ARHGAP6: variants seen among roughly 807,000 people sequenced by gnomAD.
ARHGAP6 encodes rho GTPase-activating protein 6.
Under a neutral mutation model 55.7 loss-of-function variants are expected in ARHGAP6, and 16 were observed. The observed-to-expected ratio is 0.29, with a 90% CI of 0.19 to 0.44. ARHGAP6 has a LOEUF of 0.44. ARHGAP6 is among the 20% of genes least tolerant of loss of function. The pLI is 1.00. For missense variants in ARHGAP6, 698 were observed against 808.9 expected (o/e 0.86, Z 1.66); for synonymous variants, 382 against 360.9 (o/e 1.06, Z -0.66).
chrX:11,453,415 C>T (rs1262663025), intron 1 of ARHGAP6, among the ~76,000 whole-genome samples: 2 of 106,789 alleles, frequency 1.9e-5, no homozygotes, highest in Non-Finnish European at 3.8e-5. Flanking sequence ...CATGTACCTG[C>T]CCTGGCCTCC....
intron 1 of ARHGAP6, among the ~76,000 whole-genome samples, chrX:11,577,161 T>C (rs2051609107): frequency 8.9e-6 from 1 of 112,425 alleles, no homozygotes; most frequent in Admixed American, 9.5e-5. Flanking sequence ...TTTGGCCATC[T>C]AAGAGAACAG....
At chrX:11,220,381 A>G (rs2147414045) in intron 2 of ARHGAP6, among the ~76,000 whole-genome samples, 1 of 111,619 alleles carries the variant, frequency 9.0e-6, no homozygotes, top group Non-Finnish European at 1.9e-5. Flanking sequence ...GCAGCCAGAA[A>G]GAAAGGTCGG....
At chrX:11,488,400 G>T (rs1017084348) in intron 1 of ARHGAP6, among the ~76,000 whole-genome samples, 1 of 111,699 alleles carries the variant, frequency 9.0e-6, no homozygotes, top group Non-Finnish European at 1.9e-5. Context: ...CCATTACTTC[G>T]ACCTTTTTGT....
chrX:11,635,124 C>A (rs2052403524), intron 1 of ARHGAP6, among the ~76,000 whole-genome samples: 1 of 112,369 alleles, frequency 8.9e-6, no homozygotes, highest in Non-Finnish European at 1.9e-5. Context: ...ATAGAACCGG[C>A]TAGCAAGTCA....
intron 1 of ARHGAP6, among the ~76,000 whole-genome samples, chrX:11,483,812 G>A (rs1348799236): frequency 1.8e-5 from 2 of 111,466 alleles, no homozygotes; most frequent in African/African-American, 6.5e-5. Context: ...ATGAGCTGTA[G>A]GGATGGATGT....
intron 1 of ARHGAP6, among the ~76,000 whole-genome samples, chrX:11,373,387 T>TAA (rs35422748): frequency 1.9e-5 from 2 of 105,950 alleles, no homozygotes; most frequent in Admixed American, 1.0e-4. Context: ...AGACATTGTT[T>TAA]AAAAAAAAAA....
At chrX:11,337,549 A>G (rs1168799008) in intron 1 of ARHGAP6, among the ~76,000 whole-genome samples, 2 of 112,461 alleles carry the variant, frequency 1.8e-5, no homozygotes, top group South Asian at 7.3e-4. Context: ...CAGCCCAAGA[A>G]GGCTGGGCCA....
intron 1 of ARHGAP6, among the ~76,000 whole-genome samples, chrX:11,286,628 T>C (rs2047924797): frequency 1.8e-5 from 2 of 111,396 alleles, no homozygotes; most frequent in South Asian, 7.6e-4. Flanking sequence ...ATCAAACATA[T>C]GCGATGTCCG....
chrX:11,145,467 C>T (rs1489161256), intron 10 of ARHGAP6, among the ~76,000 whole-genome samples: 2 of 111,905 alleles, frequency 1.8e-5, no homozygotes, highest in African/African-American at 6.5e-5. Context: ...ACATTTCCTA[C>T]CAACATGGAA....
intron 1 of ARHGAP6, among the ~76,000 whole-genome samples, chrX:11,618,194 C>T (rs1391903211): frequency 2.7e-5 from 3 of 111,121 alleles, no homozygotes; most frequent in Non-Finnish European, 5.7e-5. Flanking sequence ...TTCCCTAGAC[C>T]CTCCAGAATA....
At chrX:11,144,694 T>A (rs1191915087) in intron 10 of ARHGAP6, among the ~76,000 whole-genome samples, 1 of 112,595 alleles carries the variant, frequency 8.9e-6, no homozygotes, top group African/African-American at 3.2e-5. Flanking sequence ...TGGTTGACAC[T>A]TTGCTTGAAG....
intron 2 of ARHGAP6, among the ~76,000 whole-genome samples, chrX:11,208,426 C>T (rs1051038835): frequency 5.4e-5 from 6 of 111,666 alleles, no homozygotes; most frequent in Middle Eastern, 9.2e-3. Context: ...CCAGATTTTC[C>T]CATCCATCCG....
At chrX:11,451,213 C>T (rs760250110) in intron 1 of ARHGAP6, among the ~76,000 whole-genome samples, 3 of 112,104 alleles carry the variant, frequency 2.7e-5, no homozygotes, top group Non-Finnish European at 3.8e-5. Context: ...AGCTGTTAGA[C>T]GCAGGGGCAA....
chrX:11,598,356 T>C (rs1483543694), intron 1 of ARHGAP6, among the ~76,000 whole-genome samples: 1 of 112,216 alleles, frequency 8.9e-6, no homozygotes, highest in Non-Finnish European at 1.9e-5. Context: ...TTAAAACATA[T>C]ACATACTTTT....
intron 2 of ARHGAP6, among the ~76,000 whole-genome samples, chrX:11,236,262 G>A (rs2047198952): frequency 9.0e-6 from 1 of 111,644 alleles, no homozygotes; most frequent in Non-Finnish European, 1.9e-5. Flanking sequence ...AGCGAAGTGG[G>A]GGATGCCCCT....
At chrX:11,354,309 CTCTCTCTCTCTCTCTCTCTA>C (rs2048902711) in intron 1 of ARHGAP6, among the ~76,000 whole-genome samples, 3 of 63,901 alleles carry the variant, frequency 4.7e-5, no homozygotes, top group African/African-American at 1.3e-4. Context: ...CTCTCTCTCT[CTCTCTCTCTCTCTCTCTCTA>C]TATATATATA....
At chrX:11,407,442 A>G (rs901600596) in intron 1 of ARHGAP6, among the ~76,000 whole-genome samples, 19 of 112,461 alleles carry the variant, frequency 1.7e-4, no homozygotes, top group African/African-American at 5.5e-4. Flanking sequence ...GTTGTTATGA[A>G]TAATGCATGT....
intron 1 of ARHGAP6, among the ~76,000 whole-genome samples, chrX:11,574,273 A>C (rs1487675747): frequency 9.0e-6 from 1 of 111,606 alleles, no homozygotes; most frequent in Non-Finnish European, 1.9e-5. Context: ...ACACAACCAA[A>C]AAAGAGAATT....
At chrX:11,542,645 A>C (rs968658104) in intron 1 of ARHGAP6, among the ~76,000 whole-genome samples, 6 of 110,959 alleles carry the variant, frequency 5.4e-5, no homozygotes, top group Non-Finnish European at 1.1e-4. Context: ...CCCCTAATTT[A>C]AGCAGTATGC....
Sources: allele counts gnomAD v4.1 joint callset (sites outside exome capture counted in the v4.1 genomes callset), GRCh38; gene constraint gnomAD v4.1.1; transcripts MANE v1.5; gene names NCBI Gene and HGNC (gene_info 2026-07-23, HGNC 2026-07-21).